The following CADPS variants were observed in gnomAD, a reference collection of about 807,000 sequenced individuals.
CADPS encodes calcium-dependent secretion activator 1.
Under a neutral mutation model 167.3 loss-of-function variants are expected in CADPS, and 57 were observed. That is an observed-to-expected ratio of 0.34 (90% CI 0.28 to 0.42). CADPS has a LOEUF of 0.42. CADPS is among the 20% of genes least tolerant of loss of function. CADPS has a pLI of 1.00. For synonymous variants in CADPS, 676 were observed against 635.3 expected, an observed-to-expected ratio of 1.06 and a Z score of -0.96; for missense variants, 1,414 against 1,738.1, an observed-to-expected ratio of 0.81 and a Z score of 3.32.
intron 3 of CADPS, among the ~76,000 whole-genome samples, chr3:62,684,355 C>A (rs976958892): frequency 6.6e-6 from 1 of 151,978 alleles, no homozygotes; most frequent in Non-Finnish European, 1.5e-5. Context: ...TTTTTTGGAG[C>A]ACTTTTCAAC....
intron 3 of CADPS, among the ~76,000 whole-genome samples, chr3:62,715,922 T>C (rs1363021998): frequency 6.6e-6 from 1 of 151,428 alleles, no homozygotes; most frequent in Non-Finnish European, 1.5e-5. Flanking sequence ...ATTTTTTGTA[T>C]TTTTAGAAGA....
chr3:62,770,024 G>T (rs1198873935), intron 1 of CADPS, among the ~76,000 whole-genome samples: 1 of 152,214 alleles, frequency 6.6e-6, no homozygotes, highest in Admixed American at 6.5e-5. Context: ...GGCTCTGCAT[G>T]ACGTACCCTG....
chr3:62,764,731 A>C (rs1421361890), intron 2 of CADPS, among the ~76,000 whole-genome samples: 1 of 152,218 alleles, frequency 6.6e-6, no homozygotes, highest in Non-Finnish European at 1.5e-5. Context: ...GCTGAATCAG[A>C]TGGGCAGACT....
Position 62,736,325 on chromosome 3 carries a change from AT to A in CADPS, c.888+17115del. Among the ~76,000 whole-genome samples, 3 of 152,340 alleles carry A rather than the reference AT, an allele frequency of 2.0e-5. No individual in the cohort carries two copies. In the Middle Eastern group the frequency reaches 0.01, roughly 518 times the overall value. ...CCTGATACCATTTCCCCAAAACATT[AT>A]TTTTTAAACAAATTAAAAACTCAGT... On this transcript the variant is annotated intron_variant, in intron 3 of 29. Transcript: ENST00000383710.
chr3:62,803,218 A>G (rs1366710588), intron 1 of CADPS, among the ~76,000 whole-genome samples: 1 of 152,158 alleles, frequency 6.6e-6, no homozygotes, highest in East Asian at 1.9e-4. Flanking sequence ...CTGGGGAAGG[A>G]GAGAAGCCTT....
chr3:62,697,943 T>TG, intron 3 of CADPS, among the ~76,000 whole-genome samples: 1 of 152,210 alleles, frequency 6.6e-6, no homozygotes, highest in African/African-American at 2.4e-5. Flanking sequence ...CACTTTTTGA[T>TG]GGGGTTGTTT....
intron 8 of CADPS, among the ~76,000 whole-genome samples, chr3:62,576,576 A>T (rs555694484): frequency 1.3e-5 from 2 of 151,022 alleles, no homozygotes; most frequent in African/African-American, 2.4e-5. Context: ...AGATCAGTTG[A>T]GGTTAGAAGA....
chr3:62,574,802 A>G (rs2081970753), intron 8 of CADPS, among the ~76,000 whole-genome samples: 2 of 152,216 alleles, frequency 1.3e-5, no homozygotes, highest in African/African-American at 4.8e-5. Flanking sequence ...ATTAAACGAG[A>G]CAGTGCTTGT....
intron 28 of CADPS, among the ~76,000 whole-genome samples, chr3:62,410,221 T>C (rs916578920): frequency 6.6e-6 from 1 of 152,198 alleles, no homozygotes; most frequent in African/African-American, 2.4e-5. Flanking sequence ...GATTGAAAAC[T>C]TGTGACTCAG....
At chr3:62,744,168 C>T (rs1247048230) in intron 3 of CADPS, among the ~76,000 whole-genome samples, 3 of 151,944 alleles carry the variant, frequency 2.0e-5, no homozygotes, top group African/African-American at 7.3e-5. Context: ...TTTGATGATG[C>T]ATATAAAGTA....
chr3:62,619,067 G>A (rs957603643), intron 6 of CADPS, among the ~76,000 whole-genome samples: 5 of 152,218 alleles, frequency 3.3e-5, no homozygotes, highest in African/African-American at 1.2e-4. Context: ...GCACATCCAT[G>A]CCCATTTACT....
chr3:62,653,274 A>T (rs2150258112), intron 4 of CADPS, among the ~76,000 whole-genome samples: 1 of 152,216 alleles, frequency 6.6e-6, no homozygotes, highest in Middle Eastern at 3.4e-3. Flanking sequence ...CTCATGATGG[A>T]ACTAGTGCCT....
At chr3:62,713,419 C>T (rs2083796311) in intron 3 of CADPS, among the ~76,000 whole-genome samples, 1 of 152,182 alleles carries the variant, frequency 6.6e-6, no homozygotes, top group Admixed American at 6.5e-5. Context: ...GTCAATTTAC[C>T]ATTGCCATGA....
At chr3:62,653,244 A>G (rs1321506079) in intron 4 of CADPS, among the ~76,000 whole-genome samples, 2 of 152,082 alleles carry the variant, frequency 1.3e-5, no homozygotes, top group Non-Finnish European at 2.9e-5. Flanking sequence ...CCTTGGGAAG[A>G]TGATTAGATC....
chr3:62,819,564 C>A (rs1576852742), intron 1 of CADPS, among the ~76,000 whole-genome samples: 1 of 152,082 alleles, frequency 6.6e-6, no homozygotes, highest in South Asian at 2.1e-4. Flanking sequence ...CTTGGAATAT[C>A]CTGCCTGATA....
At chr3:62,533,470 A>C (rs2074116015) in intron 12 of CADPS, among the ~76,000 whole-genome samples, 1 of 152,194 alleles carries the variant, frequency 6.6e-6, no homozygotes, top group Admixed American at 6.5e-5. Flanking sequence ...AATGCTCTAC[A>C]TTGATATAGA....
chr3:62,501,888 C>G (rs1256410535), intron 17 of CADPS, among the ~76,000 whole-genome samples: 1 of 152,166 alleles, frequency 6.6e-6, no homozygotes, highest in African/African-American at 2.4e-5. Context: ...GTGCATGCAG[C>G]CATTCTATGA....
At chr3:62,808,051 T>C (rs552563828) in intron 1 of CADPS, among the ~76,000 whole-genome samples, 13 of 151,852 alleles carry the variant, frequency 8.6e-5, no homozygotes, top group Non-Finnish European at 1.6e-4. Flanking sequence ...TTTTTTGTAT[T>C]TTTAGTAGAG....
chr3:62,657,819 G>C (rs2072085905), intron 4 of CADPS, among the ~76,000 whole-genome samples: 1 of 152,088 alleles, frequency 6.6e-6, no homozygotes, highest in Admixed American at 6.6e-5. Flanking sequence ...CTCCTAGGAA[G>C]AGAGGACAGA....
Sources: gnomAD v4.1 joint callset for allele counts (sites outside exome capture counted in the v4.1 genomes callset) on GRCh38, gnomAD v4.1.1 for gene constraint, MANE v1.5 for transcripts, NCBI Gene and HGNC (gene_info 2026-07-23, HGNC 2026-07-21) for gene names.